PLCB1: variants seen among roughly 807,000 people sequenced by gnomAD.
The protein encoded by PLCB1 is 1-phosphatidylinositol 4,5-bisphosphate phosphodiesterase beta-1.
Under a neutral mutation model 161.8 loss-of-function variants are expected in PLCB1, and 46 were observed. That is an observed-to-expected ratio of 0.28 (90% CI 0.22 to 0.36). PLCB1 has a LOEUF of 0.36. Ranked by LOEUF, PLCB1 falls within the 10% of genes least tolerant of loss-of-function variation. PLCB1 has a pLI of 1.00. For missense variants in PLCB1, 1,016 were observed against 1,472.5 expected, an observed-to-expected ratio of 0.69 and a Z score of 5.07; for synonymous variants, 517 against 503.7, an observed-to-expected ratio of 1.03 and a Z score of -0.35.
intron 9 of PLCB1, among the ~76,000 whole-genome samples, chr20:8,671,329 A>G (rs758829400): frequency 6.6e-6 from 1 of 152,208 alleles, no homozygotes; most frequent in Non-Finnish European, 1.5e-5. Flanking sequence ...CCACAAAACA[A>G]TGTCACTTCT....
intron 25 of PLCB1, among the ~76,000 whole-genome samples, chr20:8,764,321 A>G (rs1982202772): frequency 6.6e-6 from 1 of 152,224 alleles, no homozygotes; most frequent in African/African-American, 2.4e-5. Flanking sequence ...TATGATGTTT[A>G]TACTGTAAAT....
chr20:8,763,606 C>T (rs1396227143), intron 25 of PLCB1, among the ~76,000 whole-genome samples: 1 of 152,030 alleles, frequency 6.6e-6, no homozygotes, highest in African/African-American at 2.4e-5. Flanking sequence ...AGGCTGGTCT[C>T]GAACTCCTGA....
intron 3 of PLCB1, among the ~76,000 whole-genome samples, chr20:8,471,927 T>C (rs535901060): frequency 6.6e-6 from 1 of 152,326 alleles, no homozygotes; most frequent in African/African-American, 2.4e-5. Context: ...AATGCAGCTA[T>C]TTCTAAAAAT....
chr20:8,281,765 C>T (rs1364681182), intron 2 of PLCB1, among the ~76,000 whole-genome samples: 1 of 152,066 alleles, frequency 6.6e-6, no homozygotes. Flanking sequence ...TAGATGTCTA[C>T]TTTCATTTTA....
At chr20:8,415,501 A>G (rs886105034) in intron 3 of PLCB1, among the ~76,000 whole-genome samples, 2 of 152,202 alleles carry the variant, frequency 1.3e-5, no homozygotes, top group Middle Eastern at 3.2e-3. Flanking sequence ...GGATTATTTG[A>G]AAGTGATCCC....
At chr20:8,537,943 C>G (rs956640150) in intron 3 of PLCB1, among the ~76,000 whole-genome samples, 2 of 152,198 alleles carry the variant, frequency 1.3e-5, no homozygotes, top group African/African-American at 4.8e-5. Context: ...TTTGCATCAT[C>G]ATAGACTGCT....
At chr20:8,725,735 G>A (rs1322644981) in intron 16 of PLCB1, among the ~76,000 whole-genome samples, 1 of 151,968 alleles carries the variant, frequency 6.6e-6, no homozygotes, top group Admixed American at 6.6e-5. Context: ...AATTTCATTG[G>A]CTGCAATGAG....
chr20:8,418,166 A>C (rs995521745), intron 3 of PLCB1, among the ~76,000 whole-genome samples: 4 of 152,168 alleles, frequency 2.6e-5, no homozygotes, highest in African/African-American at 9.7e-5. Context: ...TTCTTTCCCA[A>C]CTGCCAACCT....
chr20:8,261,643 A>G (rs939651817), intron 2 of PLCB1, among the ~76,000 whole-genome samples: 27 of 152,128 alleles, frequency 1.8e-4, no homozygotes, highest in Non-Finnish European at 3.8e-4. Flanking sequence ...GCCCAAGAAT[A>G]ACCAACCCAC....
chr20:8,794,158 A>G (rs1266301051), intron 31 of PLCB1, among the ~76,000 whole-genome samples: 1 of 152,162 alleles, frequency 6.6e-6, no homozygotes, highest in Non-Finnish European at 1.5e-5. Context: ...CATGTGCTCT[A>G]CAATTTGTGC....
chr20:8,770,166 A>G (rs1429233058), intron 26 of PLCB1, among the ~76,000 whole-genome samples: 1 of 152,114 alleles, frequency 6.6e-6, no homozygotes, highest in Non-Finnish European at 1.5e-5. Context: ...GTTAGCCAGG[A>G]TGGCCTCGAT....
intron 2 of PLCB1, among the ~76,000 whole-genome samples, chr20:8,175,478 T>A (rs931028629): frequency 6.6e-6 from 1 of 151,788 alleles, no homozygotes; most frequent in African/African-American, 2.4e-5. Flanking sequence ...AAAAAAAGTA[T>A]AAAATGAAGT....
chr20:8,313,108 G>A (rs777832454), intron 2 of PLCB1, among the ~76,000 whole-genome samples: 6 of 152,108 alleles, frequency 3.9e-5, no homozygotes, highest in Admixed American at 2.0e-4. Context: ...TTTACTTAAA[G>A]CAAAAAGCAC....
At chr20:8,301,545 A>ACCCG (rs1284250839) in intron 2 of PLCB1, among the ~76,000 whole-genome samples, 3 of 151,804 alleles carry the variant, frequency 2.0e-5, no homozygotes, top group Non-Finnish European at 2.9e-5. Flanking sequence ...CTCCACCATG[A>ACCCG]CCCGCCATTC....
intron 3 of PLCB1, among the ~76,000 whole-genome samples, chr20:8,389,480 C>A (rs942504602): frequency 6.6e-6 from 1 of 152,154 alleles, no homozygotes; most frequent in Admixed American, 6.5e-5. Flanking sequence ...CAGAGTGGAC[C>A]TGTTGTTGAA....
At chr20:8,423,563 A>G (rs1003894603) in intron 3 of PLCB1, among the ~76,000 whole-genome samples, 15 of 152,314 alleles carry the variant, frequency 9.8e-5, no homozygotes, top group Admixed American at 2.6e-4. Flanking sequence ...TTTTTTATAT[A>G]TCAATATTTT....
At chr20:8,687,079 A>C (rs1199283577) in intron 10 of PLCB1, among the ~76,000 whole-genome samples, 4 of 151,908 alleles carry the variant, frequency 2.6e-5, no homozygotes, top group Non-Finnish European at 5.9e-5. Flanking sequence ...AGGCTGGAGC[A>C]CAGTGGCATG....
chr20:8,500,282 C>A lies in PLCB1; in HGVS notation c.247-128012C>A, dbSNP rs114431087. 4.6e-5 allele frequency among the ~76,000 whole-genome samples: 7 copies of A among 152,238 alleles called. No individual in the cohort carries two copies. In the East Asian group the frequency reaches 9.6e-4, roughly 21 times the overall value. Reference sequence around the variant, plus strand: ...CCTTTAAATTATATTTTATACCATACGAATTGGTCTCTTTGTTTGAGAATT... The same window carrying A: ...CCTTTAAATTATATTTTATACCATAAGAATTGGTCTCTTTGTTTGAGAATT... On this transcript the variant is annotated intron_variant, in intron 3 of 31. Transcript: ENST00000338037.
chr20:8,627,660 A>C (rs1166720231), intron 3 of PLCB1, among the ~76,000 whole-genome samples: 5 of 152,214 alleles, frequency 3.3e-5, no homozygotes, highest in Admixed American at 3.3e-4. Context: ...CTACATCTCC[A>C]AAGGATTTCC....
Sources: allele counts gnomAD v4.1 joint callset (sites outside exome capture counted in the v4.1 genomes callset), GRCh38; gene constraint gnomAD v4.1.1; transcripts MANE v1.5; gene names NCBI Gene and HGNC (gene_info 2026-07-23, HGNC 2026-07-21).